NAALADL2: variants seen among roughly 807,000 people sequenced by gnomAD.
NAALADL2 encodes the protein inactive N-acetylated-alpha-linked acidic dipeptidase-like protein 2.
A neutral mutation model predicts 87.2 loss-of-function variants in NAALADL2; 76 were observed. The ratio of observed to expected loss-of-function variants is 0.87; its 90% CI spans 0.72 to 1.05. The LOEUF (loss-of-function observed/expected upper bound fraction) is 1.05. Among genes scored for constraint, NAALADL2 ranks in the 50% least tolerant of loss-of-function variants. The pLI is 0.00. For synonymous variants in NAALADL2, 354 were observed against 331.0 expected (o/e 1.07, Z -0.75); for missense variants, 1,089 against 945.8 (o/e 1.15, Z -1.99).
At chr3:175,671,801 A>T (rs747693137) in intron 11 of NAALADL2, among the ~76,000 whole-genome samples, 4 of 152,056 alleles carry the variant, frequency 2.6e-5, no homozygotes, top group Non-Finnish European at 4.4e-5. Context: ...CTCATCCATA[A>T]TGGAAATAAT....
intron 1 of NAALADL2, among the ~76,000 whole-genome samples, chr3:174,972,596 TC>T (rs1248372392): frequency 2.6e-5 from 4 of 152,144 alleles, no homozygotes; most frequent in Admixed American, 2.6e-4. Context: ...AAAAGCTGTA[TC>T]CCCAAATACA....
chr3:174,660,646 T>C (rs1384254528), intron 2 of NAALADL2, among the ~76,000 whole-genome samples: 1 of 150,984 alleles, frequency 6.6e-6, no homozygotes, highest in African/African-American at 2.5e-5. Context: ...GGACTTATTC[T>C]TTATGCCTTA....
intron 11 of NAALADL2, among the ~76,000 whole-genome samples, chr3:175,704,571 G>A (rs1739417435): frequency 3.3e-5 from 5 of 152,066 alleles, no homozygotes; most frequent in Admixed American, 1.3e-4. Flanking sequence ...CCTTTACTTG[G>A]TCATGCCTCT....
At chr3:174,589,058 A>G (rs1347689636) in intron 2 of NAALADL2, among the ~76,000 whole-genome samples, 1 of 151,982 alleles carries the variant, frequency 6.6e-6, no homozygotes, top group Non-Finnish European at 1.5e-5. Context: ...TTGTTTACCT[A>G]CTTAAGCCTC....
At chr3:175,331,306 C>CA (rs1393234492) in intron 5 of NAALADL2, among the ~76,000 whole-genome samples, 1 of 152,066 alleles carries the variant, frequency 6.6e-6, no homozygotes, top group Non-Finnish European at 1.5e-5. Flanking sequence ...TCTATCATGC[C>CA]AGCATTACTT....
At chr3:174,477,105 A>T (rs1228812266) in intron 1 of NAALADL2, among the ~76,000 whole-genome samples, 1 of 152,084 alleles carries the variant, frequency 6.6e-6, no homozygotes, top group East Asian at 1.9e-4. Context: ...CTCAAAAAAA[A>T]AGAAAATTAA....
chr3:174,718,133 A>AAACG (rs1280954165), intron 2 of NAALADL2, among the ~76,000 whole-genome samples: 8 of 151,964 alleles, frequency 5.3e-5, no homozygotes, highest in Non-Finnish European at 8.8e-5. Flanking sequence ...ACAAACAAAC[A>AAACG]AAAAATGAAA....
intron 3 of NAALADL2, among the ~76,000 whole-genome samples, chr3:174,853,989 A>G (rs1230941402): frequency 6.6e-6 from 1 of 151,990 alleles, no homozygotes; most frequent in Admixed American, 6.5e-5. Flanking sequence ...CAAAAAAGCA[A>G]AAATAAAACT....
chr3:175,361,681 G>A (rs1276927704), intron 5 of NAALADL2, among the ~76,000 whole-genome samples: 1 of 148,316 alleles, frequency 6.7e-6, no homozygotes, highest in African/African-American at 2.4e-5. Flanking sequence ...AGAAGTGTCT[G>A]TTCATATCCT....
chr3:175,071,119 C>T (rs774337446), intron 1 of NAALADL2, among the ~76,000 whole-genome samples: 1 of 151,906 alleles, frequency 6.6e-6, no homozygotes, highest in Non-Finnish European at 1.5e-5. Flanking sequence ...AGTTAGTGCA[C>T]TGCAGGGGCA....
At chr3:175,256,794 T>C (rs980357129) in intron 4 of NAALADL2, 3 of 225,570 alleles carry the variant, frequency 1.3e-5, no homozygotes, top group African/African-American at 2.3e-5. Flanking sequence ...AACACTGAGT[T>C]TGTGGGACCT....
chr3:175,186,955 A>G (rs958262781), intron 2 of NAALADL2, among the ~76,000 whole-genome samples: 1 of 152,176 alleles, frequency 6.6e-6, no homozygotes, highest in African/African-American at 2.4e-5. Context: ...AGTATAATGA[A>G]AAAAGATTAT....
intron 1 of NAALADL2, among the ~76,000 whole-genome samples, chr3:174,998,089 T>C (rs975179181): frequency 6.6e-6 from 1 of 152,204 alleles, no homozygotes; most frequent in Non-Finnish European, 1.5e-5. Context: ...AATGGGTATC[T>C]GGATATAGCA....
At chr3:174,697,790 T>C (rs1578583266) in intron 2 of NAALADL2, among the ~76,000 whole-genome samples, 2 of 152,124 alleles carry the variant, frequency 1.3e-5, no homozygotes, top group East Asian at 3.8e-4. Context: ...TATATACCCA[T>C]AAAATAAATA....
intron 1 of NAALADL2, among the ~76,000 whole-genome samples, chr3:174,992,231 G>A (rs1746840795): frequency 1.3e-5 from 2 of 151,992 alleles, no homozygotes; most frequent in Admixed American, 6.6e-5. Flanking sequence ...AACTCTTTGA[G>A]TTTTACCTAC....
At chr3:175,409,008 A>G (rs1479541757) in intron 5 of NAALADL2, among the ~76,000 whole-genome samples, 5 of 151,882 alleles carry the variant, frequency 3.3e-5, no homozygotes, top group Non-Finnish European at 7.4e-5. Context: ...TCTTTGTCCA[A>G]CTCAACTTAA....
chr3:174,675,972 A>G (rs902473894), intron 2 of NAALADL2, among the ~76,000 whole-genome samples: 4 of 152,086 alleles, frequency 2.6e-5, no homozygotes, highest in African/African-American at 9.6e-5. Flanking sequence ...CTTTATTTTT[A>G]TTCAAGTATA....
At chr3:174,915,277 C>G (rs930294345) in intron 1 of NAALADL2, among the ~76,000 whole-genome samples, 1 of 152,076 alleles carries the variant, frequency 6.6e-6, no homozygotes, top group Non-Finnish European at 1.5e-5. Flanking sequence ...AGTGATAAAG[C>G]TCATTTTGAC....
chr3:174,568,618 A>G (rs1358199974), intron 2 of NAALADL2, among the ~76,000 whole-genome samples: 1 of 151,830 alleles, frequency 6.6e-6, no homozygotes, highest in Non-Finnish European at 1.5e-5. Flanking sequence ...ATGAAGCTGT[A>G]TCTTTTTTTG....
Sources: allele counts gnomAD v4.1 joint callset (sites outside exome capture counted in the v4.1 genomes callset), GRCh38; gene constraint gnomAD v4.1.1; transcripts MANE v1.5; gene names NCBI Gene and HGNC (gene_info 2026-07-23, HGNC 2026-07-21).